Variants in PKP4 observed in about 807,000 individuals in gnomAD.
The protein encoded by PKP4 is plakophilin-4.
A neutral mutation model predicts 145.1 loss-of-function variants in PKP4; 90 were observed. The observed-to-expected ratio is 0.62, with a 90% CI of 0.52 to 0.74. The LOEUF is 0.74. Ranked by LOEUF, PKP4 falls within the 30% of genes least tolerant of loss-of-function variation. PKP4 has a pLI of 0.00. For synonymous variants in PKP4, 563 were observed against 577.2 expected (o/e 0.98, Z 0.35); for missense variants, 1,340 against 1,482.7 (o/e 0.90, Z 1.58).
At chr2:158,581,165 A>C (rs1378927335) in intron 3 of PKP4, among the ~76,000 whole-genome samples, 2 of 152,218 alleles carry the variant, frequency 1.3e-5, no homozygotes, top group African/African-American at 2.4e-5. Context: ...TCTAAGTGAT[A>C]CAGAGAAGAA....
At chr2:158,665,216 C>G (rs2056973223) in intron 15 of PKP4, among the ~76,000 whole-genome samples, 1 of 152,116 alleles carries the variant, frequency 6.6e-6, no homozygotes, top group Non-Finnish European at 1.5e-5. Flanking sequence ...GCTGGTAGGT[C>G]TCCAAGTGAG....
chr2:158,551,460 A>T (rs79224040), intron 2 of PKP4, among the ~76,000 whole-genome samples: 29,758 of 152,154 alleles, frequency 0.2, 3,795 homozygotes, highest in Middle Eastern at 0.35. Flanking sequence ...CTCAGTTAGC[A>T]TTCCCCCTTC....
intron 1 of PKP4, among the ~76,000 whole-genome samples, chr2:158,461,903 C>T (rs1689830200): frequency 6.6e-6 from 1 of 152,146 alleles, no homozygotes; most frequent in African/African-American, 2.4e-5. Context: ...TGGCCTGAGA[C>T]CATGTACATA....
intron 1 of PKP4, among the ~76,000 whole-genome samples, chr2:158,491,801 A>T (rs551590322): frequency 4.6e-4 from 69 of 151,312 alleles, no homozygotes; most frequent in Non-Finnish European, 8.3e-4. Context: ...TTTTATTTTT[A>T]ATTTTTATTT....
intron 6 of PKP4, among the ~76,000 whole-genome samples, chr2:158,624,552 A>T (rs1421202575): frequency 6.6e-6 from 1 of 152,230 alleles, no homozygotes; most frequent in Non-Finnish European, 1.5e-5. Flanking sequence ...ACTTAGAATA[A>T]AACATTTTAT....
In PKP4 at chr2:158,625,156, G is replaced by T; in HGVS notation, c.882G>T (p.Arg294=). The T allele has an allele frequency of 6.2e-7, 1 of 1,614,150 alleles. No homozygotes were observed. The highest frequency in any genetic ancestry group is 8.5e-7 in the Non-Finnish European group (1 of 1,180,028). ...GGCGGATTGGGTCAGTCACCTCCCG[G>T]CAGACCTCCAATCCCAACGGACCAA... ...AIRRIGSVTS[R]QTSNPNGPTP... is the part of the protein sequence containing the mutation. The change falls in exon 7 of 22, where the codon CGG becomes CGT. Residue 294 remains arginine (R), a synonymous_variant. Coordinates refer to ENST00000389759, the MANE Select transcript of PKP4 (RefSeq NM_003628.6).
chr2:158,587,642 T>A (rs1192286583), intron 3 of PKP4, among the ~76,000 whole-genome samples: 2 of 152,026 alleles, frequency 1.3e-5, no homozygotes, highest in Non-Finnish European at 2.9e-5. Flanking sequence ...GGTTTTAAAA[T>A]CTTCTTTATT....
intron 3 of PKP4, among the ~76,000 whole-genome samples, chr2:158,580,585 TG>T (rs2048249604): frequency 6.6e-6 from 1 of 152,200 alleles, no homozygotes; most frequent in Admixed American, 6.5e-5. Flanking sequence ...AAGTTGTTAT[TG>T]GTGGTGGTGA....
chr2:158,582,473 G>A (rs2048411003), intron 3 of PKP4, among the ~76,000 whole-genome samples: 1 of 152,190 alleles, frequency 6.6e-6, no homozygotes, highest in Non-Finnish European at 1.5e-5. Flanking sequence ...GTTTAAACTA[G>A]TACACAAAAT....
At chr2:158,602,703 C>T (rs2050328358) in intron 3 of PKP4, among the ~76,000 whole-genome samples, 1 of 152,060 alleles carries the variant, frequency 6.6e-6, no homozygotes, top group South Asian at 2.1e-4. Flanking sequence ...ATAAAATAAA[C>T]TGTTTAACAG....
intron 2 of PKP4, among the ~76,000 whole-genome samples, chr2:158,575,555 C>T (rs911481711): frequency 2.0e-5 from 3 of 152,048 alleles, no homozygotes; most frequent in Non-Finnish European, 4.4e-5. Flanking sequence ...TATCTTCATA[C>T]CATACTGTAC....
chr2:158,521,571 A>G (rs557333083), intron 1 of PKP4, among the ~76,000 whole-genome samples: 10 of 152,352 alleles, frequency 6.6e-5, no homozygotes, highest in Non-Finnish European at 1.3e-4. Context: ...GAAGGTTAGT[A>G]TGCAACTACC....
intron 19 of PKP4, among the ~76,000 whole-genome samples, chr2:158,676,294 A>T (rs2106023712): frequency 6.6e-6 from 1 of 152,380 alleles, no homozygotes; most frequent in Middle Eastern, 3.4e-3. Context: ...TTGGCTGAAG[A>T]GCTATACATA....
chr2:158,483,576 A>T (rs1300610984), intron 1 of PKP4, among the ~76,000 whole-genome samples: 1 of 152,174 alleles, frequency 6.6e-6, no homozygotes, highest in Non-Finnish European at 1.5e-5. Flanking sequence ...CAGGTTGGAA[A>T]GCAGGTAGCT....
chr2:158,460,003 CT>C (rs1264406765), intron 1 of PKP4, among the ~76,000 whole-genome samples: 1 of 152,150 alleles, frequency 6.6e-6, no homozygotes, highest in Non-Finnish European at 1.5e-5. Flanking sequence ...CCACCCCCTA[CT>C]ATTATGTAAG....
chr2:158,593,098 T>G (rs1013715438), intron 3 of PKP4, among the ~76,000 whole-genome samples: 2 of 152,186 alleles, frequency 1.3e-5, no homozygotes. Flanking sequence ...TTAAATTTTT[T>G]TAAATTTCCT....
At chr2:158,584,014 G>A (rs116674173) in intron 3 of PKP4, among the ~76,000 whole-genome samples, 5 of 152,228 alleles carry the variant, frequency 3.3e-5, no homozygotes, top group Admixed American at 1.3e-4. Context: ...GTTACATGAC[G>A]GGTAAGGGGG....
chr2:158,621,358 C>G lies in PKP4; in HGVS notation c.540C>G (p.Phe180Leu), dbSNP rs186819791. 16 of 1,614,164 alleles carry G rather than the reference C, an allele frequency of 9.9e-6. 1 individual carries two copies. The Admixed American group carries it at 2.7e-4, about 27-fold the overall frequency. The change falls in exon 6 of 22, where the codon TTC becomes TTG. Residue 180 changes from phenylalanine (F) to leucine (L), a missense_variant. Coordinates refer to ENST00000389759, the MANE Select transcript of PKP4 (RefSeq NM_003628.6). ...SKADNRQQHS[F>L]IGSTNNHVVR... ...CAGACAACAGACAGCAGCATTCATT[C>G]ATAGGATCAACTAACAACCATGTGG...
At chr2:158,458,349 A>G (rs542847036) in intron 1 of PKP4, 1 of 152,384 alleles carries the variant, frequency 6.6e-6, no homozygotes, top group African/African-American at 2.4e-5. Context: ...GCTTCCCTCC[A>G]TGCGGCAGAG....
Sources: gnomAD v4.1 joint callset for allele counts (sites outside exome capture counted in the v4.1 genomes callset) on GRCh38, gnomAD v4.1.1 for gene constraint, MANE v1.5 for transcripts, NCBI Gene and HGNC (gene_info 2026-07-23, HGNC 2026-07-21) for gene names.